Variants in S1PR2 observed in about 807,000 individuals in gnomAD.
S1PR2 encodes the protein sphingosine-1-phosphate receptor 2.
In S1PR2, 9 loss-of-function variants were observed where a neutral mutation model predicts 16.1. That is an observed-to-expected ratio of 0.56 (90% CI 0.34 to 0.98). The LOEUF is 0.98. S1PR2 is among the 50% of genes least tolerant of loss of function. The pLI, the probability that S1PR2 is intolerant of heterozygous loss-of-function variation, is 0.02. For missense variants in S1PR2, 361 were observed against 488.4 expected (o/e 0.74, Z 2.46); for synonymous variants, 224 against 233.9 (o/e 0.96, Z 0.38).
At chr19:10,228,964 T>C (rs1351139449) in intron 1 of S1PR2, among the ~76,000 whole-genome samples, 2 of 152,048 alleles carry the variant, frequency 1.3e-5, no homozygotes, top group African/African-American at 4.8e-5. Flanking sequence ...GTGGTTACAG[T>C]TCCCCCTGGT....
Position 10,224,527 on chromosome 19 carries a change from C to T in S1PR2, c.379G>A (p.Ala127Thr), listed in dbSNP as rs752820109. The T allele has an allele frequency of 7.4e-6, 12 of 1,613,816 alleles. No homozygotes were observed. Among genetic ancestry groups the T allele is most frequent in the South Asian group, 6.6e-5 (6 of 91,090 alleles). The stretch of plus-strand genomic sequence containing the variant: ...GCAATGGCCACGTGGCGCTCAATGG[C>T]GATGGCCAGGAGGCTGAAGACAGAG... ...SASVFSLLAI[A>T]IERHVAIAKV... The change falls in exon 2 of 2, where the codon GCC becomes ACC. Residue 127 changes from alanine to threonine, a missense_variant. Coordinates refer to ENST00000646641, the MANE Select transcript of S1PR2 (RefSeq NM_004230.4).
intron 1 of S1PR2, among the ~76,000 whole-genome samples, chr19:10,225,591 G>T (rs781059550): frequency 6.6e-6 from 1 of 151,474 alleles, no homozygotes; most frequent in Non-Finnish European, 1.5e-5. Context: ...GTAGAGACAG[G>T]GTTTCACCAT....
Position 10,223,168 on chromosome 19 carries a change from C to CAAAAAAAAAA in S1PR2, c.*666_*675dup, listed in dbSNP as rs779228186. On this transcript the variant is annotated 3_prime_UTR_variant, in exon 2 of 2. Transcript: ENST00000646641. Reference sequence around the variant, plus strand: ...TGGGCAACAGAGCGAGACTTCATCTCAAAAAAAAAAAAAAAAAAAAAAAAA... The same window carrying CAAAAAAAAAA: ...TGGGCAACAGAGCGAGACTTCATCTCAAAAAAAAAAAAAAAAAAAAAAAAAAAAAAAAAAA... 3.2e-5 allele frequency: 1 copy of CAAAAAAAAAA among 31,342 alleles called. No homozygotes were observed. Among genetic ancestry groups the CAAAAAAAAAA allele is most frequent in the African/African-American group, 1.8e-4 (1 of 5,500 alleles). The allele number at this position is 31,342 out of a possible 1,614,324, so 1.9% of individuals were successfully genotyped here.
Position 10,221,821 on chromosome 19 carries a change from C to T in S1PR2, c.*2023G>A, listed in dbSNP as rs951666956. 7.2e-5 allele frequency: 11 copies of T among 152,452 alleles called. No homozygotes were observed. The highest frequency in any genetic ancestry group is 2.7e-4 in the African/African-American group (11 of 41,462). 9.4% of individuals were successfully genotyped at this position (152,452 alleles called of 1,614,324 possible). On this transcript the variant is annotated 3_prime_UTR_variant, in exon 2 of 2. Coordinates refer to ENST00000646641, the MANE Select transcript of S1PR2 (RefSeq NM_004230.4). ...GCGCGCGCACACACATACACACACA[C>T]ACACATAAATATACGTTTGTACCGT...
In S1PR2 at chr19:10,223,937, G is replaced by T; in HGVS notation, c.969C>A (p.His323Gln). 6.2e-7 allele frequency: 1 copy of T among 1,602,766 alleles called. No individual in the cohort carries two copies. Among genetic ancestry groups the T allele is most frequent in the Non-Finnish European group, 8.5e-7 (1 of 1,174,408 alleles). ...QGRRRGGTPG[H>Q]HLLPLRSSSS... Reference sequence around the variant, plus strand: ...TGGAGCTGCGGAGTGGCAGGAGGTGGTGGCCCGGGGTCCCGCCCCGCCTCC... The same window carrying T: ...TGGAGCTGCGGAGTGGCAGGAGGTGTTGGCCCGGGGTCCCGCCCCGCCTCC... Residue 323 changes from histidine (H) to glutamine (Q), a missense_variant, in exon 2 of 2, where the codon CAC (histidine) becomes CAA (glutamine). Transcript: ENST00000646641.
At chr19:10,230,767 G>T (rs1009931636) in intron 1 of S1PR2, among the ~76,000 whole-genome samples, 3 of 152,234 alleles carry the variant, frequency 2.0e-5, no homozygotes, top group Non-Finnish European at 4.4e-5. Flanking sequence ...CCCGACGTCC[G>T]ACCGCCCTCC....
chr19:10,230,674 TTC>T (rs1346084503), intron 1 of S1PR2, among the ~76,000 whole-genome samples: 1 of 152,200 alleles, frequency 6.6e-6, no homozygotes, highest in Non-Finnish European at 1.5e-5. Context: ...CGCAGTCACT[TTC>T]TCTTTCCTTA....
chr19:10,231,085 AG>A (rs2039674418), intron 1 of S1PR2, 118 bp downstream of exon 1: 1 of 152,708 alleles, frequency 6.5e-6, no homozygotes, highest in Admixed American at 6.5e-5. Flanking sequence ...TCCGTGCAGC[AG>A]GAACCCAGGC....
In S1PR2 at chr19:10,223,394, G is replaced by A. The variant is rs1465000868; in HGVS notation, c.*450C>T. On this transcript the variant is annotated 3_prime_UTR_variant, in exon 2 of 2. Coordinates refer to ENST00000646641, the MANE Select transcript of S1PR2 (RefSeq NM_004230.4). Reference sequence around the variant, plus strand: ...CCAGCTACTTGGGAGGCTGAGGCAGGAGAACGACATGAACCCAGGAGGCGG... The same window carrying A: ...CCAGCTACTTGGGAGGCTGAGGCAGAAGAACGACATGAACCCAGGAGGCGG... 1.3e-5 allele frequency: 2 copies of A among 156,898 alleles called. No individual in the cohort carries two copies. The highest frequency in any genetic ancestry group is 2.8e-5 in the Non-Finnish European group (2 of 71,592). 9.7% of individuals were successfully genotyped at this position (156,898 alleles called of 1,614,324 possible).
chr19:10,226,986 TC>T (rs895623692), intron 1 of S1PR2, among the ~76,000 whole-genome samples: 7 of 106,742 alleles, frequency 6.6e-5, no homozygotes, highest in South Asian at 3.8e-4. Flanking sequence ...CCCCCTCCCA[TC>T]CCCCCCCATC....
intron 1 of S1PR2, among the ~76,000 whole-genome samples, chr19:10,226,588 C>T (rs1001788265): frequency 2.6e-5 from 4 of 152,196 alleles, no homozygotes; most frequent in African/African-American, 4.8e-5. Context: ...GCCAACCAGA[C>T]GAGATCTCCA....
At chr19:10,229,728 T>G (rs1044130540) in intron 1 of S1PR2, among the ~76,000 whole-genome samples, 1 of 152,066 alleles carries the variant, frequency 6.6e-6, no homozygotes, top group Admixed American at 6.6e-5. Flanking sequence ...TAAAGGTCAC[T>G]TCCTCAGAGG....
Position 10,222,015 on chromosome 19 carries a change from G to C in S1PR2, c.*1829C>G, listed in dbSNP as rs2039596481. 6.6e-6 allele frequency: 1 copy of C among 152,476 alleles called. No individual in the cohort carries two copies. The highest frequency in any genetic ancestry group is 1.5e-5 in the Non-Finnish European group (1 of 68,148). 9.4% of individuals were successfully genotyped at this position (152,476 alleles called of 1,614,324 possible). On this transcript the variant is annotated 3_prime_UTR_variant, in exon 2 of 2. Transcript: ENST00000646641. Reference sequence around the variant, plus strand: ...CACGCCTGTAATCCCAGCAATTGGGGAGGCCGAGGCGGGCGGATCACTTGA... The same window carrying C: ...CACGCCTGTAATCCCAGCAATTGGGCAGGCCGAGGCGGGCGGATCACTTGA...
At chr19:10,230,677 T>C (rs1384203400) in intron 1 of S1PR2, among the ~76,000 whole-genome samples, 1 of 152,226 alleles carries the variant, frequency 6.6e-6, no homozygotes, top group Non-Finnish European at 1.5e-5. Flanking sequence ...AGTCACTTTC[T>C]CTTTCCTTAC....
chr19:10,225,786 C>T (rs974400731), intron 1 of S1PR2, among the ~76,000 whole-genome samples: 5 of 152,008 alleles, frequency 3.3e-5, no homozygotes, highest in African/African-American at 1.2e-4. Flanking sequence ...CAATTCTCCT[C>T]GGCCTCTCAA....
At chr19:10,230,214 G>T in intron 1 of S1PR2, among the ~76,000 whole-genome samples, 1 of 152,316 alleles carries the variant, frequency 6.6e-6, no homozygotes, top group African/African-American at 2.4e-5. Context: ...CTCCTTATCT[G>T]GTTTAGGAAT....
At position 10,223,485 on chromosome 19, in the gene S1PR2, CAA is replaced by C. The variant is rs879772088; in HGVS notation, c.*357_*358del. 3.3e-3 allele frequency: 568 copies of C among 173,878 alleles called. No individual in the cohort carries two copies. The highest frequency in any genetic ancestry group is 4.2e-3 in the East Asian group (34 of 8,096). 10.8% of individuals were successfully genotyped at this position (173,878 alleles called of 1,614,324 possible). On this transcript the variant is annotated 3_prime_UTR_variant, in exon 2 of 2. Coordinates refer to ENST00000646641, the MANE Select transcript of S1PR2 (RefSeq NM_004230.4). Reference sequence around the variant, plus strand: ...TGGGCAGCAGTGCAAGATTCCGTCTCAAAAAAAAAAAAAAATCCTTTGTACCA... The same window carrying C: ...TGGGCAGCAGTGCAAGATTCCGTCTCAAAAAAAAAAAAATCCTTTGTACCA...
At chr19:10,228,397 T>G (rs1017990807) in intron 1 of S1PR2, among the ~76,000 whole-genome samples, 7 of 152,140 alleles carry the variant, frequency 4.6e-5, no homozygotes, top group African/African-American at 1.4e-4. Flanking sequence ...TCTTTTTCCC[T>G]GAGAGGAAGA....
intron 1 of S1PR2, among the ~76,000 whole-genome samples, chr19:10,230,703 C>A (rs537161875): frequency 2.0e-5 from 3 of 152,366 alleles, no homozygotes; most frequent in Non-Finnish European, 2.9e-5. Context: ...AAAGCCACGC[C>A]CCCCGCCGGG....
Sources: allele counts gnomAD v4.1 joint callset (sites outside exome capture counted in the v4.1 genomes callset), GRCh38; gene constraint gnomAD v4.1.1; transcripts MANE v1.5; gene names NCBI Gene and HGNC (gene_info 2026-07-23, HGNC 2026-07-21).